The following PTDSS2 variants were observed in gnomAD, a reference collection of about 807,000 sequenced individuals.
PTDSS2 encodes the protein phosphatidylserine synthase 2, also known as PSS-2.
PTDSS2 carries 41 observed loss-of-function variants against 64.7 expected under a neutral mutation model. The ratio of observed to expected loss-of-function variants is 0.63; its 90% CI spans 0.49 to 0.82. PTDSS2 has a LOEUF of 0.82. Among genes scored for constraint, PTDSS2 ranks in the 40% least tolerant of loss-of-function variants. The probability of loss-of-function intolerance (pLI) is 0.00; values close to 1 mark genes in which losing one functional copy is unlikely to be tolerated. For missense variants in PTDSS2, 485 were observed against 650.0 expected, an observed-to-expected ratio of 0.75 and a Z score of 2.76; for synonymous variants, 297 against 277.8, an observed-to-expected ratio of 1.07 and a Z score of -0.69.
intron 7 of PTDSS2, 100 bp from the exon 8 acceptor site, chr11:488,429 G>T: frequency 7.5e-7 from 1 of 1,333,368 alleles, no homozygotes; most frequent in African/African-American, 1.4e-5. Flanking sequence ...AGTGGGTGCA[G>T]GCTGAGGGGC....
intron 11 of PTDSS2, among the ~76,000 whole-genome samples, 166 bp downstream of exon 11, chr11:490,234 G>A (rs997728022): frequency 2.6e-5 from 4 of 152,148 alleles, no homozygotes; most frequent in African/African-American, 7.2e-5. Context: ...CGGGGCCTTC[G>A]CTCTGCACTG....
At chr11:488,718 C>T in intron 8 of PTDSS2, 71 bp downstream of exon 8, 1 of 1,132,378 alleles carries the variant, frequency 8.8e-7, no homozygotes, top group Non-Finnish European at 1.3e-6. Context: ...GTCCGTGCTC[C>T]AGCAGACCCC....
chr11:485,055 C>T lies in PTDSS2; in HGVS notation c.436-1884C>T, dbSNP rs368251263. ...CGTGTGTGCTCACTGTGTGCGCAGG[C>T]GAGTGTAAACTGCACGGGCACGTGT... On this transcript the variant is annotated intron_variant, in intron 4 of 11. Coordinates refer to ENST00000308020, the MANE Select transcript of PTDSS2 (RefSeq NM_030783.3). Among the ~76,000 whole-genome samples, 32 of 120,916 alleles carry T rather than the reference C, an allele frequency of 2.6e-4. No individual in the cohort carries two copies. The East Asian group carries it at 5.2e-3, about 20-fold the overall frequency. 79.3% of individuals were successfully genotyped at this position (120,916 alleles called of 152,430 possible).
rs139017121 is a variant in PTDSS2 at position 468,134 on chromosome 11, G to A, written c.285-5761G>A. Among the ~76,000 whole-genome samples, 52 of 152,330 alleles carry A rather than the reference G, an allele frequency of 3.4e-4. No homozygotes were observed. The East Asian group carries it at 8.9e-3, about 26-fold the overall frequency. On this transcript the variant is annotated intron_variant, in intron 2 of 11. Coordinates refer to ENST00000308020, the MANE Select transcript of PTDSS2 (RefSeq NM_030783.3). ...ACAGGGTGAGACCCCATCTCTAAAA[G>A]ATAGTAATGAGCATTAAGCCACTGC... is the stretch of plus-strand genomic sequence containing the variant.
Position 489,392 on chromosome 11 carries a change from G to A in PTDSS2, c.855-8G>A, listed in dbSNP as rs781477480. The A allele has an allele frequency of 1.9e-6, 3 of 1,611,620 alleles. No homozygotes were observed. The highest frequency in any genetic ancestry group is 2.5e-6 in the Non-Finnish European group (3 of 1,178,962). ...CCTTCCTCAGGCTGCCGGCTCTGTG[G>A]TTCCCAGGGGCAAGATGAAGAGGAT... On this transcript the variant is annotated splice_polypyrimidine_tract_variant and splice_region_variant and intron_variant, in intron 8 of 11. Transcript: ENST00000308020.
chr11:450,658 C>T (rs1846272347), intron 1 of PTDSS2, 21 bp downstream of exon 1: 2 of 1,243,020 alleles, frequency 1.6e-6, no homozygotes, highest in Admixed American at 4.2e-5. Flanking sequence ...TGGGCGGCCG[C>T]GGGGCGGCGA....
intron 4 of PTDSS2, among the ~76,000 whole-genome samples, chr11:482,699 A>G (rs1044965935): frequency 6.6e-6 from 1 of 152,170 alleles, no homozygotes; most frequent in African/African-American, 2.4e-5. Flanking sequence ...TGAGTTTTTC[A>G]TAGATCTCCT....
At chr11:458,113 G>C (rs1223820847) in intron 1 of PTDSS2, among the ~76,000 whole-genome samples, 1 of 152,026 alleles carries the variant, frequency 6.6e-6, no homozygotes, top group East Asian at 1.9e-4. Flanking sequence ...TGTTTTCCTT[G>C]TGAAGTGTCT....
chr11:463,248 G>A (rs947318392), intron 2 of PTDSS2: 1 of 150,904 alleles, frequency 6.6e-6, no homozygotes, highest in African/African-American at 2.4e-5. Context: ...TTTTTTTTGA[G>A]ATGGAGTCTC....
intron 2 of PTDSS2, among the ~76,000 whole-genome samples, chr11:464,718 G>A (rs142652568): frequency 1.3e-5 from 2 of 152,192 alleles, no homozygotes; most frequent in Admixed American, 6.5e-5. Context: ...GGTGACCCTG[G>A]GGGAGAGTCC....
In PTDSS2 at chr11:487,098, G is replaced by A. The variant is rs370311673; in HGVS notation, c.570+25G>A. 5.0e-6 allele frequency: 8 copies of A among 1,603,618 alleles called. No homozygotes were observed. In the African/African-American group the frequency reaches 5.4e-5, roughly 11 times the overall value. ...GGTAAGACGCCGGGGGCCCTGAGGCGAGCCCCTCCCCAGGTGTGGCCCCGT... is the reference window on the plus strand; with the variant it reads ...GGTAAGACGCCGGGGGCCCTGAGGCAAGCCCCTCCCCAGGTGTGGCCCCGT... On this transcript the variant is annotated intron_variant, in intron 5 of 11. Coordinates refer to ENST00000308020, the MANE Select transcript of PTDSS2 (RefSeq NM_030783.3).
At chr11:484,843 CAG>C (rs1166925812) in intron 4 of PTDSS2, among the ~76,000 whole-genome samples, 29 of 126,014 alleles carry the variant, frequency 2.3e-4, no homozygotes, top group Admixed American at 3.4e-4. Flanking sequence ...CGAGTGTAAA[CAG>C]TGCACGGGTG....
chr11:459,834 C>G (rs1590618424), intron 1 of PTDSS2: 1 of 268,534 alleles, frequency 3.7e-6, no homozygotes, highest in East Asian at 9.2e-5. Flanking sequence ...CTCGGCTTGT[C>G]TTGCGCAGTG....
rs73399677 is a variant in PTDSS2, at chr11:488,714, G to C, written c.854+67G>C. On this transcript the variant is annotated intron_variant, in intron 8 of 11. Coordinates refer to ENST00000308020, the MANE Select transcript of PTDSS2 (RefSeq NM_030783.3). ...ACCTGGAGGCAGCCTCAGCGTCCGT[G>C]CTCCAGCAGACCCCGAGCACCAGGC... 9.2e-4 allele frequency: 1,093 copies of C among 1,182,656 alleles called. 8 individuals are homozygous for C. In the African/African-American group the frequency reaches 0.015, roughly 16 times the overall value. 73.3% of individuals were successfully genotyped at this position (1,182,656 alleles called of 1,614,324 possible).
intron 5 of PTDSS2, 160 bp from the exon 6 acceptor site, chr11:487,260 T>G: frequency 1.1e-6 from 1 of 911,244 alleles, no homozygotes; most frequent in Non-Finnish European, 1.7e-6. Context: ...CTCTCTAGGC[T>G]GTCGTGGACG....
upstream of PTDSS2, among the ~76,000 whole-genome samples, chr11:449,335 T>G (rs55865827): frequency 5.5e-3 from 837 of 152,358 alleles, 7 homozygotes; most frequent in Non-Finnish European, 5.2e-3. Context: ...CCCAAAGTGC[T>G]GGGATGACAG....
At chr11:475,305 C>CATATTCACGCTTTTGTGATACGGA (rs1847730094) in intron 3 of PTDSS2, among the ~76,000 whole-genome samples, 5 of 73,478 alleles carry the variant, frequency 6.8e-5, no homozygotes, top group Non-Finnish European at 8.3e-5. Flanking sequence ...TGTGATACGG[C>CATATTCACGCTTTTGTGATACGGA]CATATTCACG....
intron 4 of PTDSS2, among the ~76,000 whole-genome samples, chr11:485,168 G>A (rs1848274640): frequency 7.6e-6 from 1 of 132,372 alleles, no homozygotes; most frequent in Non-Finnish European, 1.6e-5. Flanking sequence ...GGGCGTGTGT[G>A]CTCACTGCGC....
At position 462,654 on chromosome 11, in the gene PTDSS2, ATT is replaced by A. The variant is rs1846944444; in HGVS notation, c.284+2367_284+2368del. On this transcript the variant is annotated intron_variant, in intron 2 of 11. Coordinates refer to ENST00000308020, the MANE Select transcript of PTDSS2 (RefSeq NM_030783.3). This position sits in a 1 kb window ranked among gnomAD's most constrained non-coding sequence, Gnocchi z 4.5. ...GCCGTGGTGCACCTGTCCTGAGTCC[ATT>A]CTCATGGCCTGGACCCGCACTGCTG... 2.0e-5 allele frequency among the ~76,000 whole-genome samples: 3 copies of A among 152,020 alleles called. No individual in the cohort carries two copies. Among genetic ancestry groups the A allele is most frequent in the Non-Finnish European group, 4.4e-5 (3 of 67,990 alleles).
Sources: allele counts gnomAD v4.1 joint callset (sites outside exome capture counted in the v4.1 genomes callset), GRCh38; gene constraint gnomAD v4.1.1; non-coding constraint Gnocchi (gnomAD v3.1); transcripts MANE v1.5; gene names NCBI Gene and HGNC (gene_info 2026-07-23, HGNC 2026-07-21).